The following FAF1 variants were observed in gnomAD, a reference collection of about 807,000 sequenced individuals.
The protein encoded by FAF1 is FAS-associated factor 1.
A neutral mutation model predicts 92.5 loss-of-function variants in FAF1; 25 were observed. The ratio of observed to expected loss-of-function variants is 0.27; its 90% CI spans 0.20 to 0.38. The LOEUF is 0.38. Ranked by LOEUF, FAF1 falls within the 10% of genes least tolerant of loss-of-function variation. The pLI, the probability that FAF1 is intolerant of heterozygous loss-of-function variation, is 1.00. For missense variants in FAF1, 636 were observed against 793.3 expected (o/e 0.80, Z 2.38); for synonymous variants, 234 against 273.2 (o/e 0.86, Z 1.42).
chr1:50,778,072 A>G (rs995304781), intron 4 of FAF1, among the ~76,000 whole-genome samples: 6 of 152,360 alleles, frequency 3.9e-5, no homozygotes, highest in African/African-American at 1.4e-4. Flanking sequence ...TGGGTAATTT[A>G]TGGTATTTTC....
At chr1:50,516,327 C>T (rs997707036) in intron 15 of FAF1, among the ~76,000 whole-genome samples, 27 of 152,238 alleles carry the variant, frequency 1.8e-4, no homozygotes, top group African/African-American at 5.5e-4. Flanking sequence ...TCCACTTGTT[C>T]GTGGACTATA....
chr1:50,615,184 G>A (rs1652856690), intron 8 of FAF1, among the ~76,000 whole-genome samples: 1 of 152,198 alleles, frequency 6.6e-6, no homozygotes, highest in Admixed American at 6.5e-5. Flanking sequence ...ATGGCCTCCA[G>A]CTCCATCCAG....
At chr1:50,532,769 T>C (rs1019013565) in intron 15 of FAF1, among the ~76,000 whole-genome samples, 2 of 152,174 alleles carry the variant, frequency 1.3e-5, no homozygotes, top group Non-Finnish European at 2.9e-5. Flanking sequence ...AATGTGGATA[T>C]ATTGGGTTTC....
intron 18 of FAF1, among the ~76,000 whole-genome samples, chr1:50,468,247 G>A (rs2148994241): frequency 6.6e-6 from 1 of 151,872 alleles, no homozygotes; most frequent in South Asian, 2.1e-4. Context: ...GCATCACATT[G>A]TACCCCATAA....
At position 50,545,131 on chromosome 1, in the gene FAF1, T is replaced by C. The variant is rs571761270; in HGVS notation, c.1269-5403A>G. Among the ~76,000 whole-genome samples, 10 of 152,228 alleles carry C rather than the reference T, an allele frequency of 6.6e-5. No individual in the cohort carries two copies. The South Asian group carries it at 1.9e-3, about 28-fold the overall frequency. On this transcript the variant is annotated intron_variant, in intron 13 of 18. Coordinates refer to ENST00000396153, the MANE Select transcript of FAF1 (RefSeq NM_007051.3). ...AACCACAAAAAAGAGGCTAATTTAC[T>C]CATTATATATAGAATTCTTACAAAC...
intron 1 of FAF1, among the ~76,000 whole-genome samples, chr1:50,889,538 G>A (rs1416733496): frequency 1.3e-5 from 2 of 152,198 alleles, no homozygotes; most frequent in Admixed American, 6.5e-5. Context: ...TGCTTTAAAT[G>A]TGTCCCAGAG....
intron 13 of FAF1, among the ~76,000 whole-genome samples, chr1:50,554,390 TAGAGAG>T (rs34360366): frequency 1.3e-4 from 12 of 93,688 alleles, no homozygotes; most frequent in African/African-American, 2.8e-4. Flanking sequence ...TATATATATA[TAGAGAG>T]AGAGAGAGAG....
In FAF1 at chr1:50,490,642, C is replaced by G; in HGVS notation, c.1599G>C (p.Met533Ile). The G allele has an allele frequency of 6.2e-7, 1 of 1,612,642 alleles. No homozygotes were observed. Among genetic ancestry groups the G allele is most frequent in the South Asian group, 1.1e-5 (1 of 91,032 alleles). Residue 533 changes from methionine to isoleucine, a missense_variant, in exon 17 of 19, where the codon ATG becomes ATC. Transcript: ENST00000396153. ...TCTGCTCCAAACGAAACTGTTCTGC[C>G]ATCTCTCTCTCGTGAGCTTCCCTCT... is the stretch of plus-strand genomic sequence containing the variant. ...RAKREAHEREMAEQFRLEQIR... is the reference protein window; with the variant it reads ...RAKREAHEREIAEQFRLEQIR...
intron 3 of FAF1, among the ~76,000 whole-genome samples, chr1:50,799,892 T>A (rs2124590009): frequency 6.6e-6 from 1 of 152,336 alleles, no homozygotes; most frequent in East Asian, 1.9e-4. Context: ...AGCCCTCTTT[T>A]GTTTTCCTCT....
intron 15 of FAF1, among the ~76,000 whole-genome samples, chr1:50,501,889 C>T (rs1464354513): frequency 1.3e-5 from 2 of 152,026 alleles, no homozygotes; most frequent in Non-Finnish European, 2.9e-5. Context: ...TACCATATGC[C>T]TATATAAAAT....
chr1:50,645,733 A>G (rs1654546597), intron 8 of FAF1, among the ~76,000 whole-genome samples: 1 of 152,022 alleles, frequency 6.6e-6, no homozygotes, highest in South Asian at 2.1e-4. Context: ...GAGGCTGAGG[A>G]AGGAGAATCT....
intron 4 of FAF1, among the ~76,000 whole-genome samples, chr1:50,763,667 T>A (rs190241661): frequency 1.3e-3 from 205 of 152,326 alleles, no homozygotes; most frequent in Non-Finnish European, 1.1e-3. Context: ...TATGTCTTCA[T>A]ATTCACTGAC....
At chr1:50,744,975 C>T (rs1659529386) in intron 4 of FAF1, among the ~76,000 whole-genome samples, 200 bp from the exon 5 acceptor site, 1 of 152,064 alleles carries the variant, frequency 6.6e-6, no homozygotes, top group African/African-American at 2.4e-5. Flanking sequence ...CAAAAGATAG[C>T]ATACATTAAT....
intron 4 of FAF1, among the ~76,000 whole-genome samples, chr1:50,757,871 T>G (rs1400729135): frequency 6.6e-6 from 1 of 152,154 alleles, no homozygotes; most frequent in Non-Finnish European, 1.5e-5. Context: ...ACACTGAGCT[T>G]AATGACCATT....
chr1:50,802,082 TATG>T (rs1241902103), intron 2 of FAF1, among the ~76,000 whole-genome samples: 1 of 151,976 alleles, frequency 6.6e-6, no homozygotes, highest in African/African-American at 2.4e-5. Flanking sequence ...TATTTCATGT[TATG>T]ATTACTATTC....
At chr1:50,540,910 A>G (rs557850876) in intron 13 of FAF1, among the ~76,000 whole-genome samples, 1 of 152,354 alleles carries the variant, frequency 6.6e-6, no homozygotes, top group South Asian at 2.1e-4. Context: ...AATTATGTTC[A>G]TGAAAGGCAA....
At chr1:50,788,524 T>C (rs1047665630) in intron 3 of FAF1, among the ~76,000 whole-genome samples, 7 of 152,178 alleles carry the variant, frequency 4.6e-5, no homozygotes, top group Admixed American at 1.3e-4. Context: ...AAGAACAGTG[T>C]CTTCTTCACT....
intron 5 of FAF1, among the ~76,000 whole-genome samples, chr1:50,739,575 G>C (rs901199371): frequency 6.6e-6 from 1 of 152,140 alleles, no homozygotes; most frequent in Non-Finnish European, 1.5e-5. Context: ...CACTGAAGAA[G>C]TATATCCTTG....
intron 4 of FAF1, among the ~76,000 whole-genome samples, chr1:50,758,494 TAA>T (rs1433419788): frequency 2.0e-5 from 3 of 152,262 alleles, no homozygotes; most frequent in Admixed American, 6.5e-5. Context: ...ACAAATGCTA[TAA>T]TACATTGCTA....
Sources: allele counts gnomAD v4.1 joint callset (sites outside exome capture counted in the v4.1 genomes callset), GRCh38; gene constraint gnomAD v4.1.1; transcripts MANE v1.5; gene names NCBI Gene and HGNC (gene_info 2026-07-23, HGNC 2026-07-21).